The following SCUBE3 variants were observed in gnomAD, a reference collection of about 807,000 sequenced individuals.
SCUBE3 encodes the protein signal peptide, CUB domain and EGF like domain containing 3, also known as signal peptide, CUB and EGF-like domain-containing protein 3.
A neutral mutation model predicts 116.8 loss-of-function variants in SCUBE3; 33 were observed. The observed-to-expected ratio is 0.28, with a 90% CI of 0.21 to 0.38. The LOEUF is 0.38. Among genes scored for constraint, SCUBE3 ranks in the 10% least tolerant of loss-of-function variants. SCUBE3 has a pLI of 1.00. For synonymous variants in SCUBE3, 418 were observed against 496.9 expected (o/e 0.84, Z 2.11); for missense variants, 1,007 against 1,324.8 (o/e 0.76, Z 3.72).
chr6:35,242,237 C>A lies in SCUBE3; in HGVS notation c.1451C>A (p.Ser484Tyr). 1 of 1,614,020 alleles carries A rather than the reference C, an allele frequency of 6.2e-7. No individual in the cohort carries two copies. The highest frequency in any genetic ancestry group is 1.3e-5 in the African/African-American group (1 of 75,034). Residue 484 changes from serine (S) to tyrosine (Y), a missense_variant, in exon 13 of 22, where the codon TCC becomes TAC. Ser to Tyr is a moderately radical substitution (Grantham distance 144). Around this residue, in one of 5 missense-constraint regions of SCUBE3, gnomAD observed 544 missense variants for 638.9 expected, o/e 0.85. Coordinates refer to ENST00000274938, the MANE Select transcript of SCUBE3 (RefSeq NM_152753.4). ...GTGCTGTCCATTAAACAACGGGCCTCCTTCAAGATCAAGGATGCCAAATGC... is the reference window on the plus strand; with the variant it reads ...GTGCTGTCCATTAAACAACGGGCCTACTTCAAGATCAAGGATGCCAAATGC... ...AAVLSIKQRA[S>Y]FKIKDAKCRL...
intron 1 of SCUBE3, chr6:35,223,244 A>G (rs941531794): frequency 6.6e-6 from 1 of 152,250 alleles, no homozygotes; most frequent in Admixed American, 6.5e-5. Flanking sequence ...CTATATGCCC[A>G]CACTGTGGTG....
At chr6:35,217,566 T>C (rs965530250) in intron 1 of SCUBE3, among the ~76,000 whole-genome samples, 2 of 152,036 alleles carry the variant, frequency 1.3e-5, no homozygotes, top group African/African-American at 4.8e-5. Flanking sequence ...TATGTGTCTC[T>C]TTCTTTCTCC....
chr6:35,239,719 T>TA lies in SCUBE3; in HGVS notation c.830-32dup. ...CTTGTTTGTTCTCAGCCTTTGATAG[T>TA]ATCTTTTATCCTGTTTTGTCCTCCT... On this transcript the variant is annotated intron_variant, in intron 7 of 21. Transcript: ENST00000274938. The surrounding 1 kb of genome is among the most constrained non-coding windows in gnomAD (Gnocchi z 4.1). 2 of 1,602,558 alleles carry TA rather than the reference T, an allele frequency of 1.2e-6. No individual in the cohort carries two copies. The highest frequency in any genetic ancestry group is 1.7e-6 in the Non-Finnish European group (2 of 1,174,690).
At chr6:35,246,834 C>A (rs1054895398) in intron 21 of SCUBE3, among the ~76,000 whole-genome samples, 1 of 151,802 alleles carries the variant, frequency 6.6e-6, no homozygotes, top group African/African-American at 2.4e-5. Context: ...ACAAAATTAT[C>A]CGGGTGCGGT....
chr6:35,244,944 C>G lies in SCUBE3; in HGVS notation c.2401+133C>G. ...AGCAGGAAAACTCCACCTTCCACCT[C>G]TCCCCAACTCACTCAATCTCAAGGC... On this transcript the variant is annotated intron_variant, in intron 18 of 21. Transcript: ENST00000274938. The surrounding 1 kb of genome is among the most constrained non-coding windows in gnomAD (Gnocchi z 4.3). 1 of 874,450 alleles carries G rather than the reference C, an allele frequency of 1.1e-6. No individual in the cohort carries two copies. The highest frequency in any genetic ancestry group is 1.8e-6 in the Non-Finnish European group (1 of 557,410). The allele number at this position is 874,450 out of a possible 1,614,324, so 54.2% of individuals were successfully genotyped here. A position where few individuals can be genotyped will look rare whatever the true frequency, so the allele number is the denominator to read the frequency against.
chr6:35,220,905 T>C (rs1242945394), intron 1 of SCUBE3: 1 of 152,212 alleles, frequency 6.6e-6, no homozygotes, highest in African/African-American at 2.4e-5. Context: ...GGGCCCAGAC[T>C]CTCACTGAAG....
At position 35,232,703 on chromosome 6, in the gene SCUBE3, C is replaced by G. The variant is rs2150299086; in HGVS notation, c.470-147C>G. On this transcript the variant is annotated intron_variant, in intron 4 of 21. Coordinates refer to ENST00000274938, the MANE Select transcript of SCUBE3 (RefSeq NM_152753.4). The surrounding 1 kb of genome is among the most constrained non-coding windows in gnomAD (Gnocchi z 4.2). Reference sequence around the variant, plus strand: ...CAGGTCTGTGGGGAAGACAGGAGGCCTGGGACAAGGAGAGTCAGTCCCCTC... The same window carrying G: ...CAGGTCTGTGGGGAAGACAGGAGGCGTGGGACAAGGAGAGTCAGTCCCCTC... 1.3e-6 allele frequency: 1 copy of G among 745,810 alleles called. No homozygotes were observed. Among genetic ancestry groups the G allele is most frequent in the East Asian group, 2.7e-5 (1 of 37,588 alleles). The allele number at this position is 745,810 out of a possible 1,614,324, so 46.2% of individuals were successfully genotyped here. A position where few individuals can be genotyped will look rare whatever the true frequency, so the allele number is the denominator to read the frequency against.
Position 35,242,302 on chromosome 6 carries a change from G to A in SCUBE3, c.1516G>A (p.Gly506Ser). The part of the protein sequence containing the change: ...LRNKGKTEEA[G>S]RITGPGGAPC... Reference sequence around the variant, plus strand: ...AAACAAAGGCAAAACAGAGGAGGCTGGCAGAATCACAGGGCCAGGTTTGGA... The same window carrying A: ...AAACAAAGGCAAAACAGAGGAGGCTAGCAGAATCACAGGGCCAGGTTTGGA... The change falls in exon 13 of 22, where the codon GGC becomes AGC. Residue 506 changes from glycine (G) to serine (S), a missense_variant. This residue lies in a region of SCUBE3 where 544 missense variants were observed against 638.9 expected (regional missense o/e 0.85). Coordinates refer to ENST00000274938, the MANE Select transcript of SCUBE3 (RefSeq NM_152753.4). 6.2e-7 allele frequency: 1 copy of A among 1,613,186 alleles called. No individual in the cohort carries two copies. Among genetic ancestry groups the A allele is most frequent in the South Asian group, 1.1e-5 (1 of 91,036 alleles).
In SCUBE3 at chr6:35,214,522, GC is replaced by G; in HGVS notation, c.85+20del. 1 of 1,443,616 alleles carries G rather than the reference GC, an allele frequency of 6.9e-7. No homozygotes were observed. The highest frequency in any genetic ancestry group is 9.2e-7 in the Non-Finnish European group (1 of 1,091,640). The allele number at this position is 1,443,616 out of a possible 1,614,324, so 89.4% of individuals were successfully genotyped here. A position where few individuals can be genotyped will look rare whatever the true frequency, so the allele number is the denominator to read the frequency against. On this transcript the variant is annotated intron_variant, in intron 1 of 21. Coordinates refer to ENST00000274938, the MANE Select transcript of SCUBE3 (RefSeq NM_152753.4). The surrounding 1 kb of genome is among the most constrained non-coding windows in gnomAD (Gnocchi z 6.3). Reference sequence around the variant, plus strand: ...GCGCAAGGTAAGGAAGGAGGGGCGCGCGGCCTGGGGGCTGTCCTGGCTGCTG... The same window carrying G: ...GCGCAAGGTAAGGAAGGAGGGGCGCGGGCCTGGGGGCTGTCCTGGCTGCTG...
Position 35,248,829 on chromosome 6 carries a change from A to C in SCUBE3, c.*124A>C, listed in dbSNP as rs1349635531. 2 of 737,374 alleles carry C rather than the reference A, an allele frequency of 2.7e-6. No homozygotes were observed. Among genetic ancestry groups the C allele is most frequent in the African/African-American group, 3.5e-5 (2 of 56,736 alleles). The allele number at this position is 737,374 out of a possible 1,614,324, so 45.7% of individuals were successfully genotyped here. A position where few individuals can be genotyped will look rare whatever the true frequency, so the allele number is the denominator to read the frequency against. On this transcript the variant is annotated 3_prime_UTR_variant, in exon 22 of 22. Transcript: ENST00000274938. ...TTTTTGGAGGGAAAAAAAAAATATC[A>C]CTACACAAACCAGGCACTCTCCCTT...
intron 1 of SCUBE3, among the ~76,000 whole-genome samples, chr6:35,217,390 C>G (rs111268714): frequency 1.6e-4 from 25 of 151,636 alleles, no homozygotes; most frequent in African/African-American, 5.6e-4. Flanking sequence ...CCAGCCTGGC[C>G]GTTTAGTTTA....
At chr6:35,247,391 T>C (rs553358332) in intron 21 of SCUBE3, among the ~76,000 whole-genome samples, 210 of 143,050 alleles carry the variant, frequency 1.5e-3, no homozygotes, top group Non-Finnish European at 2.3e-3. Flanking sequence ...TGAGCTGATA[T>C]CATGCCATTG....
At position 35,244,550 on chromosome 6, in the gene SCUBE3, A is replaced by T; in HGVS notation, c.2240-100A>T. On this transcript the variant is annotated intron_variant, in intron 17 of 21. Transcript: ENST00000274938. This position sits in a 1 kb window ranked among gnomAD's most constrained non-coding sequence, Gnocchi z 4.3. ...CTAGAAAAGAACTTTGATGTATCTG[A>T]TCTCCTGATTCTCCAGGATGAATGT... 2.1e-6 allele frequency: 2 copies of T among 934,756 alleles called. No individual in the cohort carries two copies. Among genetic ancestry groups the T allele is most frequent in the Non-Finnish European group, 3.4e-6 (2 of 595,632 alleles). 57.9% of individuals were successfully genotyped at this position (934,756 alleles called of 1,614,324 possible). A position where few individuals can be genotyped will look rare whatever the true frequency, so the allele number is the denominator to read the frequency against.
rs77478772 is a variant in SCUBE3 at position 35,218,266 on chromosome 6, G to A, written c.85+3763G>A. 1,979 of 410,746 alleles carry A rather than the reference G, an allele frequency of 4.8e-3. 43 individuals carry two copies. The highest frequency in any genetic ancestry group is 0.039 in the African/African-American group (1,801 of 46,098). The allele number at this position is 410,746 out of a possible 1,614,324, so 25.4% of individuals were successfully genotyped here. A position where few individuals can be genotyped will look rare whatever the true frequency, so the allele number is the denominator to read the frequency against. On this transcript the variant is annotated intron_variant, in intron 1 of 21. Transcript: ENST00000274938. ...TGTGTGTGCATGACTCAGGGTGTGT[G>A]TGTGTGTGAAGTGCTCTGGTGAGAG... is the stretch of plus-strand genomic sequence containing the variant.
rs1295629127 is a variant in SCUBE3, at chr6:35,242,473, AG to A, written c.1535-148del. The A allele has an allele frequency of 5.5e-6, 5 of 902,882 alleles. No individual in the cohort carries two copies. The African/African-American group carries it at 8.3e-5, about 15-fold the overall frequency. The allele number at this position is 902,882 out of a possible 1,614,324, so 55.9% of individuals were successfully genotyped here. On this transcript the variant is annotated intron_variant, in intron 13 of 21. Coordinates refer to ENST00000274938, the MANE Select transcript of SCUBE3 (RefSeq NM_152753.4). Reference sequence around the variant, plus strand: ...TAGGCATAGCACCCAAGGAAGTCCCAGAATATTCCCCTCCACCAACTAATTA... The same window carrying A: ...TAGGCATAGCACCCAAGGAAGTCCCAAATATTCCCCTCCACCAACTAATTA...
At chr6:35,215,247 G>C (rs956334521) in intron 1 of SCUBE3, among the ~76,000 whole-genome samples, 57 of 152,168 alleles carry the variant, frequency 3.7e-4, no homozygotes, top group African/African-American at 1.3e-3. Flanking sequence ...AGAATTCCAG[G>C]CCGGGGAGCT....
chr6:35,232,271 C>T lies in SCUBE3; in HGVS notation c.469+412C>T, dbSNP rs1783580788. ...CTGTTTCTATGACTCATGCCCCCCACTCCCACTAGACTGTGACATCCCTGA... is the reference window on the plus strand; with the variant it reads ...CTGTTTCTATGACTCATGCCCCCCATTCCCACTAGACTGTGACATCCCTGA... On this transcript the variant is annotated intron_variant, in intron 4 of 21. Transcript: ENST00000274938. This position sits in a 1 kb window ranked among gnomAD's most constrained non-coding sequence, Gnocchi z 4.2. Among the ~76,000 whole-genome samples, 1 of 152,330 alleles carries T rather than the reference C, an allele frequency of 6.6e-6. No homozygotes were observed. Among genetic ancestry groups the T allele is most frequent in the South Asian group, 2.1e-4 (1 of 4,828 alleles).
In SCUBE3 at chr6:35,244,100, G is replaced by T. The variant is rs748893704; in HGVS notation, c.2209G>T (p.Ala737Ser). 1.2e-6 allele frequency: 2 copies of T among 1,613,912 alleles called. No homozygotes were observed. The highest frequency in any genetic ancestry group is 1.7e-6 in the Non-Finnish European group (2 of 1,179,920). Residue 737 changes from alanine (A) to serine (S), a missense_variant, in exon 17 of 22, where the codon GCC becomes TCC. Physicochemically the swap from Ala to Ser is moderately conservative, Grantham distance 99. Around this residue, in one of 5 missense-constraint regions of SCUBE3, gnomAD observed 544 missense variants for 638.9 expected, o/e 0.85. Coordinates refer to ENST00000274938, the MANE Select transcript of SCUBE3 (RefSeq NM_152753.4). The surrounding 1 kb of genome is among the most constrained non-coding windows in gnomAD (Gnocchi z 4.3). The stretch of plus-strand genomic sequence containing the variant: ...GGGCCTCACCACCAAGCATGAAGGG[G>T]CCATTTCCTTCCAAGACTGTGACAC... ...GGGLTTKHEG[A>S]ISFQDCDTKV...
chr6:35,237,770 AAT>A, intron 6 of SCUBE3, 130 bp from the exon 7 acceptor site: 2 of 629,322 alleles, frequency 3.2e-6, no homozygotes, highest in Non-Finnish European at 5.8e-6. Flanking sequence ...CCCTTGGCTT[AAT>A]GCTCCTTCTA....
Sources: allele counts gnomAD v4.1 joint callset (sites outside exome capture counted in the v4.1 genomes callset), GRCh38; gene constraint gnomAD v4.1.1; regional missense constraint gnomAD v4.1.1; non-coding constraint Gnocchi (gnomAD v3.1); transcripts MANE v1.5; gene names NCBI Gene and HGNC (gene_info 2026-07-23, HGNC 2026-07-21).